The following DPP10 variants were observed in gnomAD, a reference collection of about 807,000 sequenced individuals.
The protein encoded by DPP10 is dipeptidyl peptidase like 10.
DPP10 carries 33 observed loss-of-function variants against 120.9 expected under a neutral mutation model. The ratio of observed to expected loss-of-function variants is 0.27; its 90% CI spans 0.21 to 0.37. The LOEUF is 0.37. Ranked by LOEUF, DPP10 falls within the 10% of genes least tolerant of loss-of-function variation. The pLI is 1.00. For synonymous variants in DPP10, 337 were observed against 326.1 expected, an observed-to-expected ratio of 1.03 and a Z score of -0.36; for missense variants, 816 against 942.8, an observed-to-expected ratio of 0.87 and a Z score of 1.76.
At chr2:115,465,598 G>A (rs866640082) in intron 3 of DPP10, among the ~76,000 whole-genome samples, 1 of 152,160 alleles carries the variant, frequency 6.6e-6, no homozygotes. Flanking sequence ...CAAGGCAGGT[G>A]TATCACCTGA....
At chr2:114,758,857 A>G (rs1261699052) in intron 1 of DPP10, among the ~76,000 whole-genome samples, 1 of 152,216 alleles carries the variant, frequency 6.6e-6, no homozygotes. Context: ...TCATCGTGAA[A>G]TTAAAAAACG....
intron 1 of DPP10, among the ~76,000 whole-genome samples, chr2:114,551,077 G>T (rs1687845049): frequency 6.6e-6 from 1 of 152,106 alleles, no homozygotes; most frequent in African/African-American, 2.4e-5. Context: ...TGGTGTCCTT[G>T]CAATCCATCC....
At chr2:114,460,340 A>T (rs1191689513) in intron 1 of DPP10, among the ~76,000 whole-genome samples, 1 of 152,182 alleles carries the variant, frequency 6.6e-6, no homozygotes, top group Non-Finnish European at 1.5e-5. Flanking sequence ...GTTTTGGTAT[A>T]GTACTGACTT....
At chr2:115,141,408 T>C (rs1168341373) in intron 1 of DPP10, among the ~76,000 whole-genome samples, 1 of 152,216 alleles carries the variant, frequency 6.6e-6, no homozygotes. Context: ...ACATTTTCGA[T>C]GTGGAAACTC....
intron 1 of DPP10, among the ~76,000 whole-genome samples, chr2:115,207,416 C>CAAAAAAAAAAAAAAAAAAAAAAAAAAAA (rs57462947): frequency 3.8e-5 from 2 of 52,302 alleles, no homozygotes; most frequent in African/African-American, 1.3e-4. Flanking sequence ...CTTACTGCAC[C>CAAAAAAAAAAAAAAAAAAAAAAAAAAAA]AAAAAAAAAA....
chr2:114,608,744 T>C (rs1252457641), intron 1 of DPP10, among the ~76,000 whole-genome samples: 1 of 151,154 alleles, frequency 6.6e-6, no homozygotes, highest in Non-Finnish European at 1.5e-5. Context: ...TGCTGTGATA[T>C]GAATGCAGTT....
chr2:115,392,968 T>C (rs1025292907), intron 3 of DPP10, among the ~76,000 whole-genome samples: 1 of 152,208 alleles, frequency 6.6e-6, no homozygotes, highest in Non-Finnish European at 1.5e-5. Context: ...ATTTGCATAT[T>C]TATATTGAAT....
At chr2:115,835,145 A>ATTTTT (rs1165962149) in intron 21 of DPP10, among the ~76,000 whole-genome samples, 25 of 152,014 alleles carry the variant, frequency 1.6e-4, no homozygotes, top group Non-Finnish European at 4.4e-5. Flanking sequence ...AAAAAAAAAA[A>ATTTTT]AGCAAGAGAA....
chr2:115,660,655 C>CTTTTTTTTTTTTTTTTTTTTTTTTCT, intron 5 of DPP10, among the ~76,000 whole-genome samples: 1 of 25,314 alleles, frequency 4.0e-5, no homozygotes, highest in Non-Finnish European at 8.7e-5. Context: ...CTCTGTCTGG[C>CTTTTTTTTTTTTTTTTTTTTTTTTCT]TTTTTTTTTT....
intron 3 of DPP10, among the ~76,000 whole-genome samples, chr2:115,420,735 G>A (rs1191984391): frequency 2.6e-5 from 4 of 152,144 alleles, no homozygotes; most frequent in Admixed American, 6.6e-5. Context: ...GGGATCCCTG[G>A]CAGCCATGAT....
intron 1 of DPP10, among the ~76,000 whole-genome samples, chr2:115,261,651 G>C (rs2059254511): frequency 6.6e-6 from 1 of 152,188 alleles, no homozygotes; most frequent in Admixed American, 6.5e-5. Context: ...TTGTTGAAAG[G>C]TGATGAACAG....
intron 1 of DPP10, among the ~76,000 whole-genome samples, chr2:114,574,402 C>A (rs1033189385): frequency 6.6e-6 from 1 of 152,172 alleles, no homozygotes; most frequent in Admixed American, 6.5e-5. Flanking sequence ...AAAGACCCGT[C>A]ATTATGAAAG....
chr2:115,371,834 A>C (rs2065431434), intron 3 of DPP10, among the ~76,000 whole-genome samples: 2 of 152,150 alleles, frequency 1.3e-5, no homozygotes, highest in African/African-American at 4.8e-5. Context: ...GAATATCTAA[A>C]AAAACAGAGC....
chr2:114,461,444 G>A (rs1558777943), intron 1 of DPP10: 2 of 335,846 alleles, frequency 6.0e-6, no homozygotes, highest in Non-Finnish European at 8.5e-6. Flanking sequence ...GTTTTCCATG[G>A]TTGCGGTCTT....
chr2:114,590,906 G>A (rs1326374445), intron 1 of DPP10, among the ~76,000 whole-genome samples: 1 of 152,162 alleles, frequency 6.6e-6, no homozygotes, highest in Non-Finnish European at 1.5e-5. Flanking sequence ...TCACTAAAAT[G>A]TAAGGAGTGG....
chr2:114,446,771 G>T (rs1677965924), intron 1 of DPP10, among the ~76,000 whole-genome samples: 1 of 152,108 alleles, frequency 6.6e-6, no homozygotes, highest in Non-Finnish European at 1.5e-5. Flanking sequence ...ATATTGATGA[G>T]TCATTGTGCT....
At chr2:114,505,832 G>C (rs1472808924) in intron 1 of DPP10, among the ~76,000 whole-genome samples, 1 of 152,140 alleles carries the variant, frequency 6.6e-6, no homozygotes, top group African/African-American at 2.4e-5. Context: ...TTATATGGTA[G>C]CTGTTTTCAA....
rs932422825 is a variant in DPP10 at position 115,244,817 on chromosome 2, A to G, written c.61-64422A>G. On this transcript the variant is annotated intron_variant, in intron 1 of 25. Transcript: ENST00000410059. The stretch of plus-strand genomic sequence containing the variant: ...TGTGTGTGTGTGTATATACATGTGT[A>G]TATATATATGTATGCACATATATAT... Among the ~76,000 whole-genome samples, 4 of 148,304 alleles carry G rather than the reference A, an allele frequency of 2.7e-5. 1 individual carries two copies. Among genetic ancestry groups the G allele is most frequent in the East Asian group, 4.0e-4 (2 of 5,016 alleles).
At chr2:114,494,101 C>CAAAAAAAAAAAA (rs58552540) in intron 1 of DPP10, among the ~76,000 whole-genome samples, 5 of 77,186 alleles carry the variant, frequency 6.5e-5, no homozygotes, top group African/African-American at 1.0e-4. Flanking sequence ...AGCAATAAGG[C>CAAAAAAAAAAAA]AAAAAAAAAA....
Sources: allele counts gnomAD v4.1 joint callset (sites outside exome capture counted in the v4.1 genomes callset), GRCh38; gene constraint gnomAD v4.1.1; transcripts MANE v1.5; gene names NCBI Gene and HGNC (gene_info 2026-07-23, HGNC 2026-07-21).